The following FAM234A variants were observed in gnomAD, a reference collection of about 807,000 sequenced individuals.
FAM234A encodes the protein protein FAM234A.
A neutral mutation model predicts 49.1 loss-of-function variants in FAM234A; 42 were observed. That is an observed-to-expected ratio of 0.86 (90% CI 0.67 to 1.11). The LOEUF (loss-of-function observed/expected upper bound fraction) is 1.11, where lower values mean the gene tolerates loss of function less well. Ranked by LOEUF, FAM234A falls within the 50% of genes least tolerant of loss-of-function variation. FAM234A has a pLI of 0.00. For missense variants in FAM234A, 815 were observed against 745.2 expected, an observed-to-expected ratio of 1.09 and a Z score of -1.09; for synonymous variants, 369 against 316.2, an observed-to-expected ratio of 1.17 and a Z score of -1.77.
At chr16:240,080 T>C (rs1450746918) in intron 1 of FAM234A, 1 of 152,194 alleles carries the variant, frequency 6.6e-6, no homozygotes, top group Non-Finnish European at 1.5e-5. Context: ...TGTGGGTGTC[T>C]CTGAAGCTCA....
intron 8 of FAM234A, 102 bp downstream of exon 8, chr16:262,655 C>A: frequency 7.9e-7 from 1 of 1,260,174 alleles, no homozygotes; most frequent in South Asian, 1.9e-5. Flanking sequence ...CAGAGCAGCC[C>A]CACCGGCAGG....
At chr16:248,465 C>T (rs999827124) in intron 1 of FAM234A, 2 of 151,956 alleles carry the variant, frequency 1.3e-5, no homozygotes, top group Non-Finnish European at 2.9e-5. Flanking sequence ...CCATTCTAGT[C>T]ACATTTTTTT....
chr16:258,893 G>C lies in FAM234A; in HGVS notation c.269-590G>C, dbSNP rs536427135. Among the ~76,000 whole-genome samples, 54 of 152,222 alleles carry C rather than the reference G, an allele frequency of 3.5e-4. 1 individual carries two copies. The highest frequency in any genetic ancestry group is 6.8e-3 in the Middle Eastern group (2 of 294). On this transcript the variant is annotated intron_variant, in intron 3 of 12. Coordinates refer to ENST00000399932, the MANE Select transcript of FAM234A (RefSeq NM_032039.4). ...TGCCTCCTGGGTTCAAACGATTCTT[G>C]TGCCTCAGCCTCCCGAGTAGCTGGG... is the stretch of plus-strand genomic sequence containing the variant.
At chr16:269,065 C>A, downstream of FAM234A, 1 of 1,018,806 alleles carries the variant, frequency 9.8e-7, no homozygotes, top group Non-Finnish European at 1.5e-6. Flanking sequence ...GGAATCCACA[C>A]CTGGACCCAT....
intron 1 of FAM234A, among the ~76,000 whole-genome samples, chr16:241,927 A>C (rs2050633132): frequency 6.6e-6 from 1 of 151,152 alleles, no homozygotes; most frequent in Non-Finnish European, 1.5e-5. Context: ...AAAAAAAGGC[A>C]ATTAGAATGA....
At chr16:249,164 G>C (rs1182003771) in intron 1 of FAM234A, among the ~76,000 whole-genome samples, 1 of 152,010 alleles carries the variant, frequency 6.6e-6, no homozygotes, top group Non-Finnish European at 1.5e-5. Flanking sequence ...AGAGGAAGAG[G>C]CCCTTTCCCC....
chr16:263,829 T>G, intron 10 of FAM234A, 54 bp downstream of exon 10: 1 of 1,505,122 alleles, frequency 6.6e-7, no homozygotes. Flanking sequence ...GAGGATAGAC[T>G]GGTCTGAAAG....
At chr16:259,377 C>T (rs2051364454) in intron 3 of FAM234A, 106 bp from the exon 4 acceptor site, 9 of 689,688 alleles carry the variant, frequency 1.3e-5, no homozygotes, top group African/African-American at 3.6e-5. Context: ...TGGGTGCCCT[C>T]ACAGTGGCAG....
intron 1 of FAM234A, among the ~76,000 whole-genome samples, chr16:242,705 C>G (rs945804294): frequency 6.6e-6 from 1 of 151,584 alleles, no homozygotes; most frequent in Non-Finnish European, 1.5e-5. Flanking sequence ...CTCTGCCCCC[C>G]GGGTTCAAGC....
intron 10 of FAM234A, 84 bp downstream of exon 10, chr16:263,859 G>C: frequency 1.4e-6 from 2 of 1,404,376 alleles, no homozygotes; most frequent in Non-Finnish European, 2.0e-6. Flanking sequence ...CTGCGGCCCA[G>C]GAGGCTGCTG....
chr16:251,642 G>A (rs766560003), intron 2 of FAM234A, among the ~76,000 whole-genome samples: 1 of 146,952 alleles, frequency 6.8e-6, no homozygotes, highest in Non-Finnish European at 1.5e-5. Flanking sequence ...CTCCCAGAGT[G>A]CTGCGATTAC....
intron 2 of FAM234A, among the ~76,000 whole-genome samples, chr16:251,973 A>G (rs2051032566): frequency 7.0e-6 from 1 of 143,042 alleles, no homozygotes; most frequent in Admixed American, 6.9e-5. Flanking sequence ...ACTGCACTCT[A>G]GCCTGGGCGA....
intron 2 of FAM234A, among the ~76,000 whole-genome samples, chr16:250,413 C>T (rs1044740658): frequency 4.6e-5 from 7 of 152,022 alleles, no homozygotes; most frequent in Non-Finnish European, 7.3e-5. Context: ...AGACAACCCA[C>T]GTCCTGCCTT....
rs59981802 is a variant in FAM234A at position 250,240 on chromosome 16, T to C, written c.-34+586T>C. ...GCCACCGCGCCCGGCCAGGAATCTATGTTTTAAACATTTCACACATCCCTT... is the reference window on the plus strand; with the variant it reads ...GCCACCGCGCCCGGCCAGGAATCTACGTTTTAAACATTTCACACATCCCTT... On this transcript the variant is annotated intron_variant, in intron 2 of 12. Coordinates refer to ENST00000399932, the MANE Select transcript of FAM234A (RefSeq NM_032039.4). Among the ~76,000 whole-genome samples, 768 of 152,340 alleles carry C rather than the reference T, an allele frequency of 5.0e-3. 39 individuals carry two copies. In the East Asian group the frequency reaches 0.11, roughly 22 times the overall value.
At chr16:243,901 G>T (rs1203365187) in intron 1 of FAM234A, among the ~76,000 whole-genome samples, 2 of 152,092 alleles carry the variant, frequency 1.3e-5, no homozygotes, top group Non-Finnish European at 2.9e-5. Flanking sequence ...ATTTGCTCAG[G>T]TAAGTATTTG....
rs2051491788 is a variant in FAM234A, at chr16:262,131, G to C, written c.747G>C (p.Gln249His). 6.2e-7 allele frequency: 1 copy of C among 1,613,974 alleles called. No homozygotes were observed. The highest frequency in any genetic ancestry group is 1.3e-5 in the African/African-American group (1 of 74,950). Residue 249 changes from glutamine (Q) to histidine (H), a missense_variant, in exon 7 of 13, where the codon CAG becomes CAC. Gln to His is a conservative substitution (Grantham distance 24). Transcript: ENST00000399932. The part of the protein sequence containing the change: ...GHLYSGSTGH[Q>H]IGLRGSLGVD... ...TCTACTCCGGCAGCACCGGGCACCA[G>C]ATTGGCCTCAGAGGCAGCCTTGGTG...
intron 1 of FAM234A, among the ~76,000 whole-genome samples, chr16:236,203 G>A (rs981605046): frequency 1.3e-5 from 2 of 149,412 alleles, no homozygotes; most frequent in African/African-American, 4.9e-5. Context: ...TGATCCACTC[G>A]CCTCGGCCTC....
Position 261,481 on chromosome 16 carries a change from A to G in FAM234A, c.675A>G (p.Pro225=). The change falls in exon 6 of 13, where the codon CCA becomes CCG. Residue 225 remains proline, a synonymous_variant. Coordinates refer to ENST00000399932, the MANE Select transcript of FAM234A (RefSeq NM_032039.4). ...CTGATGTGGACGGCGATGGGGCCCC[A>G]GACCTGCTGGTTCTCACCCAGGAGC... ...QVPDVDGDGA[P]DLLVLTQERE... 1 of 1,611,992 alleles carries G rather than the reference A, an allele frequency of 6.2e-7. No individual in the cohort carries two copies.
At chr16:242,875 G>A (rs2050670332) in intron 1 of FAM234A, among the ~76,000 whole-genome samples, 1 of 151,860 alleles carries the variant, frequency 6.6e-6, no homozygotes, top group Non-Finnish European at 1.5e-5. Flanking sequence ...GCCTCCCAAA[G>A]TGCTGGGATT....
Sources: allele counts gnomAD v4.1 joint callset (sites outside exome capture counted in the v4.1 genomes callset), GRCh38; gene constraint gnomAD v4.1.1; transcripts MANE v1.5; gene names NCBI Gene and HGNC (gene_info 2026-07-23, HGNC 2026-07-21).